Variants in PRADC1 observed in about 807,000 individuals in gnomAD.
The protein encoded by PRADC1 is protease associated domain containing 1.
In PRADC1, 23 loss-of-function variants were observed where a neutral mutation model predicts 22.9. The observed-to-expected ratio is 1.00, with a 90% CI of 0.72 to 1.42. The LOEUF is 1.42. Ranked by LOEUF, PRADC1 falls within the 40% of genes most tolerant of loss-of-function variation. The pLI is 0.00. For missense variants in PRADC1, 207 were observed against 258.3 expected, an observed-to-expected ratio of 0.80 and a Z score of 1.36; for synonymous variants, 71 against 100.3, an observed-to-expected ratio of 0.71 and a Z score of 1.75.
In PRADC1 at chr2:73,228,827, G is replaced by A. The variant is rs938472118; in HGVS notation, c.414C>T (p.Asp138=). The part of the protein sequence containing the change: ...MIQDSTQRTA[D]IPALFLLGRD... ...GGCCGAGCAGGAAGAGGGCGGGGAT[G>A]TCAGCTGTGCGCTGGGTACTGTCCT... Residue 138 remains aspartate, a synonymous_variant, in exon 4 of 5, where the codon GAC becomes GAT. Coordinates refer to ENST00000258083, the MANE Select transcript of PRADC1 (RefSeq NM_032319.3). The surrounding 1 kb of genome is among the most constrained non-coding windows in gnomAD (Gnocchi z 4.0). 2.5e-6 allele frequency: 4 copies of A among 1,612,958 alleles called. 1 individual carries two copies. The highest frequency in any genetic ancestry group is 2.5e-6 in the Non-Finnish European group (3 of 1,179,790).
Position 73,228,925 on chromosome 2 carries a change from C to G in PRADC1, c.316G>C (p.Glu106Gln). The change falls in exon 4 of 5, where the codon GAG (glutamate) becomes CAG (glutamine). Residue 106 changes from glutamate (E) to glutamine (Q), a missense_variant. By Grantham distance (29) the Glu-to-Gln change is conservative. Transcript: ENST00000258083. The surrounding 1 kb of genome is among the most constrained non-coding windows in gnomAD (Gnocchi z 4.0). Reference protein sequence around the residue: ...SFLSKTRVVQEHGGRAVIISD... With the variant: ...SFLSKTRVVQQHGGRAVIISD... ...ATGATCACCGCCCGCCCGCCGTGCTCCTGGACCACCCGAGTCTTGGAGAGG... is the reference window on the plus strand; with the variant it reads ...ATGATCACCGCCCGCCCGCCGTGCTGCTGGACCACCCGAGTCTTGGAGAGG... 6.2e-7 allele frequency: 1 copy of G among 1,613,872 alleles called. No individual in the cohort carries two copies. Among genetic ancestry groups the G allele is most frequent in the Non-Finnish European group, 8.5e-7 (1 of 1,179,996 alleles).
chr2:73,229,776 GA>G, intron 2 of PRADC1: 1 of 595,734 alleles, frequency 1.7e-6, no homozygotes, highest in Non-Finnish European at 3.0e-6. Context: ...CCTTCTATGA[GA>G]TAGGCAGGGG....
chr2:73,229,084 A>G, intron 3 of PRADC1, 122 bp from the exon 4 acceptor site: 17 of 838,006 alleles, frequency 2.0e-5, no homozygotes, highest in Non-Finnish European at 3.0e-5. Context: ...TCATAAGTAA[A>G]TAGCTAAAAG....
chr2:73,229,918 A>T, intron 2 of PRADC1, 195 bp downstream of exon 2: 1 of 594,038 alleles, frequency 1.7e-6, no homozygotes, highest in Non-Finnish European at 3.0e-6. Context: ...TTGTCCCTCC[A>T]TGGTGCCTAG....
At chr2:73,232,994 C>A in intron 1 of PRADC1, 100 bp downstream of exon 1, 1 of 1,387,722 alleles carries the variant, frequency 7.2e-7, no homozygotes, top group Non-Finnish European at 9.7e-7. Flanking sequence ...GCTCTGAACT[C>A]GCAGGGTCCC....
intron 3 of PRADC1, 70 bp from the exon 4 acceptor site, chr2:73,229,032 G>T: frequency 7.0e-7 from 1 of 1,428,564 alleles, no homozygotes; most frequent in Non-Finnish European, 9.6e-7. Context: ...CCATCACCCT[G>T]GGAGTATAGA....
At chr2:73,232,246 A>G (rs1419104833) in intron 1 of PRADC1, among the ~76,000 whole-genome samples, 3 of 151,860 alleles carry the variant, frequency 2.0e-5, no homozygotes, top group Non-Finnish European at 4.4e-5. Context: ...CTGAGGCAGG[A>G]GAATGGCGTG....
chr2:73,231,877 G>A (rs1306481414), intron 1 of PRADC1, among the ~76,000 whole-genome samples: 2 of 152,184 alleles, frequency 1.3e-5, no homozygotes, highest in Admixed American at 1.3e-4. Flanking sequence ...CTGAATGGGT[G>A]AACAACTATA....
At chr2:73,231,075 T>C (rs772558329) in intron 1 of PRADC1, among the ~76,000 whole-genome samples, 1 of 152,264 alleles carries the variant, frequency 6.6e-6, no homozygotes, top group Non-Finnish European at 1.5e-5. Flanking sequence ...TTTTAATAAA[T>C]GGGGACTTTC....
At chr2:73,232,388 A>G (rs964589325) in intron 1 of PRADC1, among the ~76,000 whole-genome samples, 1 of 152,080 alleles carries the variant, frequency 6.6e-6, no homozygotes, top group African/African-American at 2.4e-5. Flanking sequence ...CTGTTAGTCT[A>G]TCAACAAACT....
chr2:73,229,057 G>A, intron 3 of PRADC1, 95 bp from the exon 4 acceptor site: 1 of 1,092,178 alleles, frequency 9.2e-7, no homozygotes, highest in Non-Finnish European at 1.3e-6. Flanking sequence ...AGACTATGAA[G>A]AATCTGTTAT....
Position 73,228,847 on chromosome 2 carries a change from T to C in PRADC1, c.394A>G (p.Ser132Gly), listed in dbSNP as rs762101694. Reference sequence around the variant, plus strand: ...GGGATGTCAGCTGTGCGCTGGGTACTGTCCTGGATCATCTCCACGTAGAAG... The same window carrying C: ...GGGATGTCAGCTGTGCGCTGGGTACCGTCCTGGATCATCTCCACGTAGAAG... ...DSFYVEMIQDSTQRTADIPAL... is the reference protein window; with the variant it reads ...DSFYVEMIQDGTQRTADIPAL... Residue 132 changes from serine to glycine, a missense_variant, in exon 4 of 5, where the codon AGT becomes GGT. Physicochemically the swap from Ser to Gly is moderately conservative, Grantham distance 56. Transcript: ENST00000258083. The surrounding 1 kb of genome is among the most constrained non-coding windows in gnomAD (Gnocchi z 4.0). The C allele has an allele frequency of 1.2e-6, 2 of 1,613,340 alleles. No homozygotes were observed. The highest frequency in any genetic ancestry group is 1.7e-6 in the Non-Finnish European group (2 of 1,179,976).
intron 2 of PRADC1, 169 bp from the exon 3 acceptor site, chr2:73,229,739 C>G: frequency 1.6e-6 from 1 of 627,790 alleles, no homozygotes; most frequent in Non-Finnish European, 2.8e-6. Flanking sequence ...TCGCAAAGGC[C>G]TATCTGGTTG....
chr2:73,231,224 A>G (rs1686628613), intron 1 of PRADC1, among the ~76,000 whole-genome samples: 1 of 152,038 alleles, frequency 6.6e-6, no homozygotes, highest in Non-Finnish European at 1.5e-5. Context: ...GGTTCACGCC[A>G]TTCTCCTGCC....
intron 2 of PRADC1, chr2:73,229,875 G>T: frequency 1.7e-6 from 1 of 586,226 alleles, no homozygotes; most frequent in Non-Finnish European, 3.0e-6. Context: ...TGGTGCTCTT[G>T]GCTTTTCACT....
chr2:73,231,426 CTT>C (rs941817602), intron 1 of PRADC1, among the ~76,000 whole-genome samples: 1 of 139,768 alleles, frequency 7.2e-6, no homozygotes, highest in Non-Finnish European at 1.6e-5. Context: ...GCCTCTTTTT[CTT>C]TTTTTTGAGA....
Position 73,228,794 on chromosome 2 carries a change from C to T in PRADC1, c.446+1G>A. 6.2e-7 allele frequency: 1 copy of T among 1,610,514 alleles called. No homozygotes were observed. ...TAAAGCCAGAGGCAAGGAGCCCTCA[C>T]CCGTCTCGGCCGAGCAGGAAGAGGG... On this transcript the variant is annotated splice_donor_variant, in intron 4 of 4. Coordinates refer to ENST00000258083, the MANE Select transcript of PRADC1 (RefSeq NM_032319.3). LOFTEE classifies it high-confidence loss of function. This position sits in a 1 kb window ranked among gnomAD's most constrained non-coding sequence, Gnocchi z 4.0.
In PRADC1 at chr2:73,228,914, C is replaced by T; in HGVS notation, c.327G>A (p.Gly109=). Residue 109 remains glycine (G), a synonymous_variant, in exon 4 of 5, where the codon GGG becomes GGA. Coordinates refer to ENST00000258083, the MANE Select transcript of PRADC1 (RefSeq NM_032319.3). The surrounding 1 kb of genome is among the most constrained non-coding windows in gnomAD (Gnocchi z 4.0). ...SKTRVVQEHG[G]RAVIISDNAV... ...CGTTGTCAGAGATGATCACCGCCCG[C>T]CCGCCGTGCTCCTGGACCACCCGAG... is the stretch of plus-strand genomic sequence containing the variant. 2 of 1,613,818 alleles carry T rather than the reference C, an allele frequency of 1.2e-6. No homozygotes were observed. Among genetic ancestry groups the T allele is most frequent in the Non-Finnish European group, 1.7e-6 (2 of 1,179,970 alleles).
At chr2:73,230,552 C>A (rs1686617917) in intron 1 of PRADC1, among the ~76,000 whole-genome samples, 1 of 152,220 alleles carries the variant, frequency 6.6e-6, no homozygotes, top group African/African-American at 2.4e-5. Flanking sequence ...CAAAGCAATT[C>A]TCACTAAAAT....
Sources: gnomAD v4.1 joint callset for allele counts (sites outside exome capture counted in the v4.1 genomes callset) on GRCh38, gnomAD v4.1.1 for gene constraint, Gnocchi (gnomAD v3.1) non-coding constraint, MANE v1.5 for transcripts, NCBI Gene and HGNC (gene_info 2026-07-23, HGNC 2026-07-21) for gene names.